Variants in KALRN observed in about 807,000 individuals in gnomAD.
The protein encoded by KALRN is kalirin RhoGEF kinase, also known as kalirin.
KALRN carries 70 observed loss-of-function variants against 353.7 expected under a neutral mutation model. The observed-to-expected ratio is 0.20, with a 90% CI of 0.16 to 0.24. The LOEUF is 0.24. Ranked by LOEUF, KALRN falls within the 10% of genes least tolerant of loss-of-function variation. The probability of loss-of-function intolerance (pLI) is 1.00; values close to 1 mark genes in which losing one functional copy is unlikely to be tolerated. For missense variants in KALRN, 2,791 were observed against 3,756.7 expected, an observed-to-expected ratio of 0.74 and a Z score of 6.72; for synonymous variants, 1,391 against 1,434.8, an observed-to-expected ratio of 0.97 and a Z score of 0.69.
chr3:124,331,485 G>A (rs919594099), intron 8 of KALRN, among the ~76,000 whole-genome samples: 1 of 152,084 alleles, frequency 6.6e-6, no homozygotes, highest in Non-Finnish European at 1.5e-5. Flanking sequence ...TAAAATGAAG[G>A]TAATGTATGT....
At chr3:124,700,944 A>G (rs1031549311) in intron 56 of KALRN, among the ~76,000 whole-genome samples, 4 of 152,200 alleles carry the variant, frequency 2.6e-5, no homozygotes, top group African/African-American at 9.7e-5. Flanking sequence ...TGACTCTTGC[A>G]GAAACCTACG....
chr3:124,220,238 C>T (rs1285444949), intron 1 of KALRN, among the ~76,000 whole-genome samples: 2 of 152,140 alleles, frequency 1.3e-5, no homozygotes, highest in Non-Finnish European at 1.5e-5. Context: ...CTACTGAGAC[C>T]GGCCGGTGGT....
intron 8 of KALRN, among the ~76,000 whole-genome samples, chr3:124,332,123 G>T (rs1286240402): frequency 6.6e-6 from 1 of 152,140 alleles, no homozygotes; most frequent in East Asian, 1.9e-4. Flanking sequence ...AGTCAATTAT[G>T]GGAGATGGGG....
rs1217616932 is a variant in KALRN, at chr3:124,434,385, C to A, written c.2908C>A (p.Gln970Lys). ...ACAGCAGAAAGCCGAGGTGCTGCTCCAGGCCGGCCACTACGATGCCGATGC... is the reference window on the plus strand; with the variant it reads ...ACAGCAGAAAGCCGAGGTGCTGCTCAAGGCCGGCCACTACGATGCCGATGC... Reference protein sequence around the residue: ...QVQQKAEVLLQAGHYDADAIR... With the variant: ...QVQQKAEVLLKAGHYDADAIR... Residue 970 changes from glutamine to lysine, a missense_variant, in exon 17 of 60, where the codon CAG becomes AAG. By Grantham distance (53) the Gln-to-Lys change is moderately conservative. This residue lies in a region of KALRN where 452 missense variants were observed against 575.8 expected (regional missense o/e 0.78). Transcript: ENST00000682506. 1 of 1,613,950 alleles carries A rather than the reference C, an allele frequency of 6.2e-7. No homozygotes were observed. The highest frequency in any genetic ancestry group is 8.5e-7 in the Non-Finnish European group (1 of 1,180,024).
Position 124,043,219 on chromosome 3 carries a change from A to C in KALRN, c.73+9406A>C, listed in dbSNP as rs1171568645. ...TCCAAGGGGAATGAGGAGTGAGCGC[A>C]TGGGGAGGAAGTGGTGGGAGTGCAT... On this transcript the variant is annotated intron_variant, in intron 1 of 59. Coordinates refer to ENST00000682506, the MANE Select transcript of KALRN (RefSeq NM_001388419.1). 3.3e-5 allele frequency among the ~76,000 whole-genome samples: 5 copies of C among 152,108 alleles called. No homozygotes were observed. The South Asian group carries it at 8.3e-4, about 25-fold the overall frequency.
At chr3:124,559,419 G>A (rs2071667583) in intron 33 of KALRN, among the ~76,000 whole-genome samples, 2 of 152,214 alleles carry the variant, frequency 1.3e-5, no homozygotes, top group Non-Finnish European at 2.9e-5. Context: ...GCAGGCCTTA[G>A]GCAGGGTTCT....
intron 33 of KALRN, among the ~76,000 whole-genome samples, chr3:124,561,963 G>A (rs1459062417): frequency 6.6e-6 from 1 of 152,220 alleles, no homozygotes; most frequent in Non-Finnish European, 1.5e-5. Context: ...GTGAAAAAGT[G>A]AGAAGTCTCA....
chr3:124,297,318 G>A (rs1370504073), intron 5 of KALRN, among the ~76,000 whole-genome samples: 1 of 152,206 alleles, frequency 6.6e-6, no homozygotes, highest in Non-Finnish European at 1.5e-5. Context: ...CTGCAACTGG[G>A]CTGTGGCCTT....
chr3:124,642,904 C>T (rs1164174576), intron 37 of KALRN, among the ~76,000 whole-genome samples: 1 of 149,584 alleles, frequency 6.7e-6, no homozygotes, highest in African/African-American at 2.5e-5. Flanking sequence ...GCAACCTCCG[C>T]CTCCCGGGTT....
chr3:124,389,517 G>T (rs1027219065), intron 11 of KALRN, among the ~76,000 whole-genome samples: 2 of 152,184 alleles, frequency 1.3e-5, no homozygotes, highest in Non-Finnish European at 2.9e-5. Flanking sequence ...AGCCGAGAGG[G>T]TTAAAAATGT....
chr3:124,534,974 T>C (rs548600680), intron 33 of KALRN, among the ~76,000 whole-genome samples: 2 of 151,948 alleles, frequency 1.3e-5, no homozygotes, highest in African/African-American at 2.4e-5. Flanking sequence ...CTAGCCAGAG[T>C]AAAAAAATCT....
At chr3:124,106,537 A>G (rs997067582) in intron 1 of KALRN, among the ~76,000 whole-genome samples, 2 of 152,198 alleles carry the variant, frequency 1.3e-5, no homozygotes, top group African/African-American at 4.8e-5. Context: ...TCCAAGGGCC[A>G]GCTCAGAGGG....
intron 2 of KALRN, among the ~76,000 whole-genome samples, chr3:124,231,282 C>G (rs1417844811): frequency 6.6e-6 from 1 of 152,222 alleles, no homozygotes; most frequent in African/African-American, 2.4e-5. Flanking sequence ...CTCCCCTTGG[C>G]CTCTCTGATG....
At chr3:124,108,523 T>A (rs1427294052) in intron 1 of KALRN, among the ~76,000 whole-genome samples, 1 of 152,216 alleles carries the variant, frequency 6.6e-6, no homozygotes, top group Non-Finnish European at 1.5e-5. Flanking sequence ...CTTCTCTACA[T>A]CCTTGGTCAT....
At chr3:124,352,679 G>GTT (rs200715549) in intron 10 of KALRN, among the ~76,000 whole-genome samples, 149 of 144,548 alleles carry the variant, frequency 1.0e-3, no homozygotes, top group Non-Finnish European at 1.4e-3. Flanking sequence ...TTTTTGTTTT[G>GTT]TTTTTTTTTT....
In KALRN at chr3:124,092,718, A is replaced by G. The variant is rs147129334; in HGVS notation, c.73+58905A>G. 7.6e-3 allele frequency among the ~76,000 whole-genome samples: 1,152 copies of G among 152,360 alleles called. 9 individuals carry two copies. Among genetic ancestry groups the G allele is most frequent in the South Asian group, 9.7e-3 (47 of 4,830 alleles). ...GGAGACAGATGGGCACCTACGAGTT[A>G]TCTGACCTTAAACAAGTTATTTAAT... On this transcript the variant is annotated intron_variant, in intron 1 of 59. Transcript: ENST00000682506.
intron 6 of KALRN, among the ~76,000 whole-genome samples, chr3:124,314,307 A>G (rs1233456638): frequency 7.8e-6 from 1 of 128,806 alleles, no homozygotes; most frequent in Non-Finnish European, 1.6e-5. Context: ...CAATGAGAAC[A>G]CTTGGACATA....
chr3:124,566,144 G>A (rs1452036409), intron 34 of KALRN, among the ~76,000 whole-genome samples: 1 of 152,132 alleles, frequency 6.6e-6, no homozygotes, highest in Non-Finnish European at 1.5e-5. Flanking sequence ...CATCCTGTGA[G>A]GTCTTACTAT....
At chr3:124,457,091 A>T (rs576950329) in intron 23 of KALRN, among the ~76,000 whole-genome samples, 39 of 151,670 alleles carry the variant, frequency 2.6e-4, no homozygotes, top group African/African-American at 9.4e-4. Context: ...ATTTTTTGGG[A>T]CAGAGCCTCA....
Sources: gnomAD v4.1 joint callset for allele counts (sites outside exome capture counted in the v4.1 genomes callset) on GRCh38, gnomAD v4.1.1 for gene constraint, gnomAD v4.1.1 regional missense constraint, MANE v1.5 for transcripts, NCBI Gene and HGNC (gene_info 2026-07-23, HGNC 2026-07-21) for gene names.